MINPP1: variants seen among roughly 807,000 people sequenced by gnomAD.
MINPP1 encodes multiple inositol polyphosphate phosphatase 1.
MINPP1 carries 28 observed loss-of-function variants against 46.1 expected under a neutral mutation model. The observed-to-expected ratio is 0.61, with a 90% CI of 0.45 to 0.83. The LOEUF (loss-of-function observed/expected upper bound fraction) is 0.83. Among genes scored for constraint, MINPP1 ranks in the 40% least tolerant of loss-of-function variants. MINPP1 has a pLI of 0.00. For missense variants in MINPP1, 603 were observed against 610.0 expected (o/e 0.99, Z 0.12); for synonymous variants, 268 against 249.1 (o/e 1.08, Z -0.72).
intron 4 of MINPP1, among the ~76,000 whole-genome samples, chr10:87,533,086 C>T (rs1851682460): frequency 6.6e-6 from 1 of 151,576 alleles, no homozygotes; most frequent in South Asian, 2.1e-4. Context: ...ATGACTTTCA[C>T]TTTCCCAAGT....
chr10:87,532,834 A>G (rs1211114621), intron 4 of MINPP1, among the ~76,000 whole-genome samples: 1 of 152,236 alleles, frequency 6.6e-6, no homozygotes, highest in Admixed American at 6.5e-5. Context: ...TTAGGTTCAC[A>G]GCAAAATTGA....
rs1851360631 is a variant in MINPP1 at position 87,513,181 on chromosome 10, A to C, written c.893A>C (p.Lys298Thr). The change falls in exon 3 of 5, where the codon AAA becomes ACA. Residue 298 changes from lysine to threonine, a missense_variant. By Grantham distance (78) the Lys-to-Thr change is moderately conservative. Coordinates refer to ENST00000371996, the MANE Select transcript of MINPP1 (RefSeq NM_004897.5). ...TTTGACCTGGCAATTAAAGGTGTTA[A>C]ATCTCCTTGGTGTGATGTTTTTGAC... Reference protein sequence around the residue: ...CSFDLAIKGVKSPWCDVFDID... With the variant: ...CSFDLAIKGVTSPWCDVFDID... 1 of 1,613,758 alleles carries C rather than the reference A, an allele frequency of 6.2e-7. No individual in the cohort carries two copies. Among genetic ancestry groups the C allele is most frequent in the Non-Finnish European group, 8.5e-7 (1 of 1,179,768 alleles).
intron 3 of MINPP1, among the ~76,000 whole-genome samples, chr10:87,516,029 A>G (rs1341815380): frequency 9.4e-6 from 1 of 106,734 alleles, no homozygotes; most frequent in Admixed American, 8.7e-5. Flanking sequence ...GGGTTTCACC[A>G]TGTTGGCCAG....
At position 87,552,395 on chromosome 10, in the gene MINPP1, C is replaced by T. The variant is rs774255909; in HGVS notation, c.1381C>T (p.His461Tyr). The T allele has an allele frequency of 1.7e-5, 27 of 1,613,220 alleles. No homozygotes were observed. Among genetic ancestry groups the T allele is most frequent in the African/African-American group, 5.3e-5 (4 of 74,864 alleles). The part of the protein sequence containing the change: ...TVSFYEDLKN[H>Y]YKDILQSCQT... ...TTCATTTTATGAAGATCTGAAGAAC[C>T]ACTACAAGGACATCCTTCAGAGTTG... Residue 461 changes from histidine (H) to tyrosine (Y), a missense_variant, in exon 5 of 5, where the codon CAC becomes TAC. Physicochemically the swap from His to Tyr is moderately conservative, Grantham distance 83. Around this residue, in one of 3 missense-constraint regions of MINPP1, gnomAD observed 344 missense variants for 381.1 expected, o/e 0.90. Coordinates refer to ENST00000371996, the MANE Select transcript of MINPP1 (RefSeq NM_004897.5).
chr10:87,538,696 C>G (rs1303038433), intron 4 of MINPP1, among the ~76,000 whole-genome samples: 2 of 152,154 alleles, frequency 1.3e-5, no homozygotes, highest in Non-Finnish European at 2.9e-5. Context: ...TGGTAATTTT[C>G]TTCCCAAAGC....
chr10:87,517,368 A>C (rs930065269), intron 3 of MINPP1, among the ~76,000 whole-genome samples: 1 of 152,162 alleles, frequency 6.6e-6, no homozygotes, highest in African/African-American at 2.4e-5. Flanking sequence ...TACCTGTAGC[A>C]GAGTATTAGA....
intron 4 of MINPP1, among the ~76,000 whole-genome samples, chr10:87,551,634 A>G (rs1206530796): frequency 6.6e-6 from 1 of 152,096 alleles, no homozygotes; most frequent in African/African-American, 2.4e-5. Context: ...CATTTACTGA[A>G]TATTGCTTGT....
intron 2 of MINPP1, among the ~76,000 whole-genome samples, chr10:87,512,618 C>T (rs1194359297): frequency 6.6e-6 from 1 of 152,086 alleles, no homozygotes; most frequent in African/African-American, 2.4e-5. Flanking sequence ...AACCTTAGCC[C>T]CCCTCCTTGA....
In MINPP1 at chr10:87,553,206, T is replaced by G. The variant is rs568631011; in HGVS notation, c.*728T>G. The G allele has an allele frequency of 2.3e-4, 35 of 152,292 alleles. No individual in the cohort carries two copies. Among genetic ancestry groups the G allele is most frequent in the African/African-American group, 7.9e-4 (33 of 41,576 alleles). The allele number at this position is 152,292 out of a possible 1,614,324, so 9.4% of individuals were successfully genotyped here. A position where few individuals can be genotyped will look rare whatever the true frequency, so the allele number is the denominator to read the frequency against. On this transcript the variant is annotated 3_prime_UTR_variant, in exon 5 of 5. Coordinates refer to ENST00000371996, the MANE Select transcript of MINPP1 (RefSeq NM_004897.5). ...AGTCAGATAGTTAGAATCGAAGTTT[T>G]TCAAATCCATTGCTTAGCTAACTTT...
chr10:87,552,577 T>A lies in MINPP1; in HGVS notation c.*99T>A, dbSNP rs1851980768. The A allele has an allele frequency of 8.5e-7, 1 of 1,176,556 alleles. No homozygotes were observed. Among genetic ancestry groups the A allele is most frequent in the Non-Finnish European group, 1.2e-6 (1 of 807,852 alleles). 72.9% of individuals were successfully genotyped at this position (1,176,556 alleles called of 1,614,324 possible). ...CCTTGATTACAGGAAGCTTTTATAT[T>A]ACTTGAGTATTTCTGTCTTTTCACA... On this transcript the variant is annotated 3_prime_UTR_variant, in exon 5 of 5. Transcript: ENST00000371996.
intron 3 of MINPP1, 54 bp downstream of exon 3, chr10:87,513,275 T>C: frequency 7.5e-7 from 1 of 1,333,032 alleles, no homozygotes; most frequent in Non-Finnish European, 1.1e-6. Context: ...TTTTTTGGCT[T>C]GCTTGTTTGC....
chr10:87,529,300 G>T (rs890547180), intron 4 of MINPP1, among the ~76,000 whole-genome samples: 1 of 152,152 alleles, frequency 6.6e-6, no homozygotes, highest in African/African-American at 2.4e-5. Flanking sequence ...TTTCTTCCTA[G>T]CCTCGATGGT....
chr10:87,518,008 G>A (rs2131811234), intron 3 of MINPP1, among the ~76,000 whole-genome samples: 1 of 139,596 alleles, frequency 7.2e-6, no homozygotes, highest in Non-Finnish European at 1.5e-5. Flanking sequence ...CACCCAGGCT[G>A]GAGTACAGAG....
chr10:87,539,004 A>G (rs1421662363), intron 4 of MINPP1, among the ~76,000 whole-genome samples: 1 of 152,198 alleles, frequency 6.6e-6, no homozygotes, highest in Non-Finnish European at 1.5e-5. Flanking sequence ...ATTAAAAGAC[A>G]GGATTTTAGA....
intron 4 of MINPP1, among the ~76,000 whole-genome samples, chr10:87,537,915 A>G (rs190189956): frequency 2.0e-4 from 31 of 152,046 alleles, no homozygotes; most frequent in African/African-American, 7.2e-4. Context: ...GACTACATGC[A>G]TATACCACCA....
Position 87,509,271 on chromosome 10 carries a change from G to GA in MINPP1, c.835+740dup, listed in dbSNP as rs145002320. Reference sequence around the variant, plus strand: ...AAGATTGTAGATTACATTATACTCTGAATTAATTTCCAAAAGACTGGAAGT... The same window carrying GA: ...AAGATTGTAGATTACATTATACTCTGAAATTAATTTCCAAAAGACTGGAAGT... On this transcript the variant is annotated intron_variant, in intron 2 of 4. Transcript: ENST00000371996. Among the ~76,000 whole-genome samples, 1,478 of 152,218 alleles carry GA rather than the reference G, an allele frequency of 9.7e-3. 24 individuals are homozygous for GA. The highest frequency in any genetic ancestry group is 0.034 in the African/African-American group (1,393 of 41,520).
At chr10:87,534,664 A>G (rs981174844) in intron 4 of MINPP1, among the ~76,000 whole-genome samples, 1 of 152,200 alleles carries the variant, frequency 6.6e-6, no homozygotes, top group African/African-American at 2.4e-5. Flanking sequence ...CAACAGTAGA[A>G]CCGGAAGGCA....
At position 87,552,533 on chromosome 10, in the gene MINPP1, T is replaced by C; in HGVS notation, c.*55T>C. 6.6e-7 allele frequency: 1 copy of C among 1,509,948 alleles called. No individual in the cohort carries two copies. Among genetic ancestry groups the C allele is most frequent in the Non-Finnish European group, 9.1e-7 (1 of 1,094,770 alleles). The allele number at this position is 1,509,948 out of a possible 1,614,324, so 93.5% of individuals were successfully genotyped here. A position where few individuals can be genotyped will look rare whatever the true frequency, so the allele number is the denominator to read the frequency against. On this transcript the variant is annotated 3_prime_UTR_variant, in exon 5 of 5. Coordinates refer to ENST00000371996, the MANE Select transcript of MINPP1 (RefSeq NM_004897.5). ...GAATCTGCAATGAGTGATTACATGC[T>C]TGTAATAGGTAGGCAATTCCTTGAT...
chr10:87,542,305 C>T (rs577752813), intron 4 of MINPP1, among the ~76,000 whole-genome samples: 31 of 143,166 alleles, frequency 2.2e-4, no homozygotes, highest in Non-Finnish European at 4.1e-4. Context: ...TTTTCTTTTT[C>T]TCTCTCTCTC....
Sources: gnomAD v4.1 joint callset for allele counts (sites outside exome capture counted in the v4.1 genomes callset) on GRCh38, gnomAD v4.1.1 for gene constraint, gnomAD v4.1.1 regional missense constraint, MANE v1.5 for transcripts, NCBI Gene and HGNC (gene_info 2026-07-23, HGNC 2026-07-21) for gene names.